Variants in DOCK11 observed in about 807,000 individuals in gnomAD.
The protein encoded by DOCK11 is dedicator of cytokinesis 11.
In DOCK11, 70 loss-of-function variants were observed where a neutral mutation model predicts 169.1. The ratio of observed to expected loss-of-function variants is 0.41; its 90% CI spans 0.34 to 0.51. The LOEUF is 0.51. DOCK11 is among the 20% of genes least tolerant of loss of function. DOCK11 has a pLI of 0.10. For synonymous variants in DOCK11, 529 were observed against 541.3 expected, an observed-to-expected ratio of 0.98 and a Z score of 0.32; for missense variants, 1,166 against 1,538.8, an observed-to-expected ratio of 0.76 and a Z score of 4.05.
At chrX:118,574,925 C>T (rs1049953670) in intron 12 of DOCK11, among the ~76,000 whole-genome samples, 7 of 111,275 alleles carry the variant, frequency 6.3e-5, no homozygotes, top group Non-Finnish European at 9.4e-5. Context: ...AGAAGTTAGC[C>T]GAGTGGATTG....
chrX:118,643,013 C>T (rs2015569625), intron 39 of DOCK11, among the ~76,000 whole-genome samples: 1 of 111,813 alleles, frequency 8.9e-6, no homozygotes, highest in Non-Finnish European at 1.9e-5. Flanking sequence ...ATATACTAAA[C>T]ATACTTTTAA....
Position 118,584,743 on chromosome X carries a change from T to C in DOCK11, c.1604T>C (p.Phe535Ser). The change falls in exon 15 of 53, where the codon TTC becomes TCC. Residue 535 changes from phenylalanine (F) to serine (S), a missense_variant. Physicochemically the swap from Phe to Ser is radical, Grantham distance 155. Coordinates refer to ENST00000276202, the MANE Select transcript of DOCK11 (RefSeq NM_144658.4). ...MPFAWAARPI[F>S]KDTQGSLDLD... is the part of the protein sequence containing the mutation. ...TTCTGTTGCTGTTTTAGACCCATTT[T>C]CAAAGATACTCAAGGCTCTCTTGAT... is the stretch of plus-strand genomic sequence containing the variant. 8.7e-7 allele frequency: 1 copy of C among 1,153,642 alleles called. No homozygotes were observed. Among genetic ancestry groups the C allele is most frequent in the Non-Finnish European group, 1.2e-6 (1 of 867,632 alleles).
chrX:118,537,008 G>T (rs186001658), intron 1 of DOCK11, among the ~76,000 whole-genome samples: 1 of 111,805 alleles, frequency 8.9e-6, no homozygotes, highest in East Asian at 2.8e-4. Context: ...CTAAGTGAAG[G>T]TCGTGGAGAA....
At chrX:118,613,031 C>T (rs775720556) in intron 28 of DOCK11, among the ~76,000 whole-genome samples, 51 of 112,167 alleles carry the variant, frequency 4.5e-4, no homozygotes, top group African/African-American at 1.4e-3. Flanking sequence ...CTTTTAGGCT[C>T]AGCTCTTCCC....
intron 27 of DOCK11, 79 bp from the exon 28 acceptor site, chrX:118,610,192 GA>G: frequency 1.0e-6 from 1 of 957,477 alleles, no homozygotes; most frequent in Non-Finnish European, 1.5e-6. Context: ...TTTATTTGTA[GA>G]ATGTGTTTGA....
At chrX:118,597,341 C>T (rs1479860939) in intron 20 of DOCK11, 90 bp from the exon 21 acceptor site, 1 of 1,140,907 alleles carries the variant, frequency 8.8e-7, no homozygotes, top group Non-Finnish European at 1.2e-6. Context: ...GGAGACATCA[C>T]CACCCTGCCC....
intron 1 of DOCK11, among the ~76,000 whole-genome samples, chrX:118,517,309 G>A (rs1196292126): frequency 1.8e-5 from 2 of 108,932 alleles, no homozygotes; most frequent in African/African-American, 6.7e-5. Context: ...CTTAAACCCA[G>A]GAGTTTGGGG....
chrX:118,538,611 T>C, intron 1 of DOCK11: 1 of 605,730 alleles, frequency 1.7e-6, no homozygotes, highest in Non-Finnish European at 2.0e-6. Flanking sequence ...ATATGCTCAC[T>C]TCTCTCCAGA....
chrX:118,569,903 G>A (rs1193106653), intron 10 of DOCK11, among the ~76,000 whole-genome samples: 1 of 111,813 alleles, frequency 8.9e-6, no homozygotes, highest in Admixed American at 9.5e-5. Flanking sequence ...ATACAAAGGA[G>A]CCAACTGACT....
At chrX:118,669,346 A>G (rs1337207022) in intron 45 of DOCK11, among the ~76,000 whole-genome samples, 1 of 111,843 alleles carries the variant, frequency 8.9e-6, no homozygotes, top group African/African-American at 3.3e-5. Context: ...ATCTGAGCCT[A>G]TTTGGGCTTC....
chrX:118,672,099 G>A (rs1471773680), intron 46 of DOCK11, among the ~76,000 whole-genome samples: 2 of 112,455 alleles, frequency 1.8e-5, no homozygotes, highest in East Asian at 5.6e-4. Context: ...CAGGGAAGAG[G>A]CATAGACATG....
chrX:118,529,027 A>C (rs1178892585), intron 1 of DOCK11, among the ~76,000 whole-genome samples: 2 of 106,114 alleles, frequency 1.9e-5, no homozygotes, highest in African/African-American at 7.0e-5. Context: ...TCTGTCACCC[A>C]GACTGGAGTA....
intron 1 of DOCK11, among the ~76,000 whole-genome samples, chrX:118,524,761 TG>T (rs1221783085): frequency 1.8e-5 from 2 of 111,512 alleles, no homozygotes; most frequent in African/African-American, 6.5e-5. Flanking sequence ...GGGGCGGACC[TG>T]GAACCCTTGT....
intron 14 of DOCK11, among the ~76,000 whole-genome samples, chrX:118,583,067 G>T (rs2013702542): frequency 8.9e-6 from 1 of 112,120 alleles, no homozygotes; most frequent in African/African-American, 3.2e-5. Context: ...AGAAAATGTG[G>T]CACATATACA....
Position 118,555,913 on chromosome X carries a change from T to G in DOCK11, c.559-5470T>G, listed in dbSNP as rs139214328. On this transcript the variant is annotated intron_variant, in intron 6 of 52. Transcript: ENST00000276202. ...ACCTACTCTGCCTCTAAACCTTTGATGTATCCTTTCTAAGGGCTTCTGGTT... is the reference window on the plus strand; with the variant it reads ...ACCTACTCTGCCTCTAAACCTTTGAGGTATCCTTTCTAAGGGCTTCTGGTT... 1.2e-3 allele frequency among the ~76,000 whole-genome samples: 137 copies of G among 111,763 alleles called. 1 individual carries two copies. Among genetic ancestry groups the G allele is most frequent in the African/African-American group, 4.3e-3 (131 of 30,737 alleles).
chrX:118,605,357 G>A lies in DOCK11; in HGVS notation c.2681+1G>A, dbSNP rs1444649071. 2.7e-6 allele frequency: 3 copies of A among 1,100,492 alleles called. No homozygotes were observed. 90.7% of individuals were successfully genotyped at this position (1,100,492 alleles called of 1,213,427 possible). A position where few individuals can be genotyped will look rare whatever the true frequency, so the allele number is the denominator to read the frequency against. On this transcript the variant is annotated splice_donor_variant, in intron 24 of 52. Coordinates refer to ENST00000276202, the MANE Select transcript of DOCK11 (RefSeq NM_144658.4). LOFTEE classifies it high-confidence loss of function. ...ATGACGTTCCTATCAACTGCACCAT[G>A]TGAGTTTTGGTGTTATAATACAAAG... is the stretch of plus-strand genomic sequence containing the variant.
At chrX:118,610,882 T>C (rs1444500223) in intron 28 of DOCK11, among the ~76,000 whole-genome samples, 1 of 110,624 alleles carries the variant, frequency 9.0e-6, no homozygotes, top group Admixed American at 9.6e-5. Context: ...CTACCAAAAA[T>C]ACAAAAATCA....
At chrX:118,634,892 A>G (rs1306816509) in intron 35 of DOCK11, among the ~76,000 whole-genome samples, 1 of 109,843 alleles carries the variant, frequency 9.1e-6, no homozygotes, top group African/African-American at 3.3e-5. Flanking sequence ...ACGCCCAACT[A>G]ATTTTTGTAT....
At chrX:118,537,557 G>T (rs1158083572) in intron 1 of DOCK11, among the ~76,000 whole-genome samples, 1 of 112,108 alleles carries the variant, frequency 8.9e-6, no homozygotes, top group Admixed American at 9.5e-5. Context: ...ACATAAATAT[G>T]CCTGCTAGTC....
Sources: gnomAD v4.1 joint callset for allele counts (sites outside exome capture counted in the v4.1 genomes callset) on GRCh38, gnomAD v4.1.1 for gene constraint, MANE v1.5 for transcripts, NCBI Gene and HGNC (gene_info 2026-07-23, HGNC 2026-07-21) for gene names.